The following CDH13 variants were observed in gnomAD, a reference collection of about 807,000 sequenced individuals.
CDH13 encodes cadherin 13.
In CDH13, 24 loss-of-function variants were observed where a neutral mutation model predicts 63.8. The observed-to-expected ratio is 0.38, with a 90% CI of 0.27 to 0.53. The LOEUF (loss-of-function observed/expected upper bound fraction) is 0.53. Among genes scored for constraint, CDH13 ranks in the 20% least tolerant of loss-of-function variants. CDH13 has a pLI of 0.85. For missense variants in CDH13, 1,049 were observed against 903.1 expected, an observed-to-expected ratio of 1.16 and a Z score of -2.07; for synonymous variants, 503 against 355.3, an observed-to-expected ratio of 1.42 and a Z score of -4.67.
intron 2 of CDH13, among the ~76,000 whole-genome samples, chr16:82,912,961 T>C (rs200062098): frequency 2.2e-5 from 3 of 138,502 alleles, no homozygotes; most frequent in Admixed American, 7.1e-5. Flanking sequence ...AAAAAAAGAG[T>C]GGTGCTTCAA....
rs139000175 is a variant in CDH13 at position 83,114,117 on chromosome 16, C to G, written c.367-11268C>G. On this transcript the variant is annotated intron_variant, in intron 3 of 13. Transcript: ENST00000567109. ...AGTTTATTTTCTACCCGAAGCATAT[C>G]TACTAATAGAAATGACTGAGATATT... Among the ~76,000 whole-genome samples, 245 of 152,314 alleles carry G rather than the reference C, an allele frequency of 1.6e-3. 1 individual carries two copies. The highest frequency in any genetic ancestry group is 5.5e-3 in the African/African-American group (229 of 41,564).
chr16:82,793,788 A>AGATTAGAAG (rs1185063157), intron 1 of CDH13, among the ~76,000 whole-genome samples: 5 of 152,168 alleles, frequency 3.3e-5, no homozygotes, highest in African/African-American at 9.7e-5. Context: ...AGAGGAAAAC[A>AGATTAGAAG]GATTAGAAGG....
At chr16:83,195,328 G>A (rs2038847879) in intron 4 of CDH13, among the ~76,000 whole-genome samples, 1 of 152,162 alleles carries the variant, frequency 6.6e-6, no homozygotes, top group Admixed American at 6.5e-5. Context: ...AAATACCTGA[G>A]ATGAGGTAAT....
At chr16:82,792,330 TA>T (rs2036351489) in intron 1 of CDH13, among the ~76,000 whole-genome samples, 1 of 152,104 alleles carries the variant, frequency 6.6e-6, no homozygotes, top group Admixed American at 6.5e-5. Context: ...AAATACAAGG[TA>T]AAAAACACAC....
At chr16:83,624,769 G>A (rs754692494) in intron 8 of CDH13, among the ~76,000 whole-genome samples, 1 of 152,172 alleles carries the variant, frequency 6.6e-6, no homozygotes, top group Non-Finnish European at 1.5e-5. Context: ...GTGGTTGACT[G>A]CACCAACGTG....
At chr16:83,636,872 C>T (rs886886631) in intron 8 of CDH13, among the ~76,000 whole-genome samples, 5 of 152,188 alleles carry the variant, frequency 3.3e-5, no homozygotes, top group Non-Finnish European at 7.4e-5. Flanking sequence ...TCTACATTCC[C>T]ACCAGCAGCA....
intron 4 of CDH13, among the ~76,000 whole-genome samples, chr16:83,126,764 T>C (rs1432744797): frequency 2.6e-5 from 4 of 152,222 alleles, no homozygotes; most frequent in African/African-American, 9.6e-5. Context: ...TTAATGGCAG[T>C]TGCTGTTGAA....
At chr16:82,816,984 G>T (rs1597688433) in intron 1 of CDH13, among the ~76,000 whole-genome samples, 1 of 151,986 alleles carries the variant, frequency 6.6e-6, no homozygotes, top group African/African-American at 2.4e-5. Context: ...TTTTTACAGG[G>T]TCTCCCTTAG....
At chr16:83,454,622 G>T (rs2072972728) in intron 6 of CDH13, among the ~76,000 whole-genome samples, 2 of 152,084 alleles carry the variant, frequency 1.3e-5, no homozygotes, top group South Asian at 4.1e-4. Flanking sequence ...TTTTCCTATG[G>T]TTAAACATCT....
At chr16:82,816,174 G>T (rs1202362145) in intron 1 of CDH13, among the ~76,000 whole-genome samples, 2 of 152,084 alleles carry the variant, frequency 1.3e-5, no homozygotes, top group Admixed American at 1.3e-4. Flanking sequence ...GTACATACAA[G>T]GAGCCCCTCC....
intron 2 of CDH13, among the ~76,000 whole-genome samples, chr16:82,891,037 GT>G (rs869162441): frequency 1.6e-3 from 129 of 82,818 alleles, no homozygotes; most frequent in Middle Eastern, 6.0e-3. Flanking sequence ...ATAGAGGAGG[GT>G]TTTTTTTTTT....
intron 2 of CDH13, among the ~76,000 whole-genome samples, chr16:82,891,880 C>G (rs1287720583): frequency 6.6e-6 from 1 of 152,146 alleles, no homozygotes; most frequent in Non-Finnish European, 1.5e-5. Context: ...TCCCTATAAC[C>G]TTGGATACTG....
chr16:83,181,108 A>G lies in CDH13; in HGVS notation c.484-36237A>G, dbSNP rs979176921. ...CTGTTGACTGAATTTTGATCACATT[A>G]TTGGGTATTTGGGATAGAAATGTGT... On this transcript the variant is annotated intron_variant, in intron 4 of 13. Transcript: ENST00000567109. 3.6e-6 allele frequency: 4 copies of G among 1,112,458 alleles called. No individual in the cohort carries two copies. In the African/African-American group the frequency reaches 6.3e-5, roughly 18 times the overall value. The allele number at this position is 1,112,458 out of a possible 1,614,324, so 68.9% of individuals were successfully genotyped here.
At chr16:83,467,023 G>T (rs1378268927) in intron 6 of CDH13, among the ~76,000 whole-genome samples, 1 of 152,020 alleles carries the variant, frequency 6.6e-6, no homozygotes, top group Non-Finnish European at 1.5e-5. Context: ...GAACCAGCTG[G>T]ATCCAGGACT....
intron 5 of CDH13, among the ~76,000 whole-genome samples, chr16:83,299,909 A>T (rs957317444): frequency 6.6e-6 from 1 of 152,192 alleles, no homozygotes; most frequent in African/African-American, 2.4e-5. Flanking sequence ...CACGATGCTG[A>T]CCAGGGCTAC....
chr16:83,159,059 A>G (rs1444985823), intron 4 of CDH13, among the ~76,000 whole-genome samples: 1 of 151,618 alleles, frequency 6.6e-6, no homozygotes, highest in Admixed American at 6.6e-5. Context: ...CTTCAACTTC[A>G]CGTTTCCATT....
At chr16:83,366,888 A>C (rs921041086) in intron 6 of CDH13, among the ~76,000 whole-genome samples, 1 of 152,164 alleles carries the variant, frequency 6.6e-6, no homozygotes, top group Non-Finnish European at 1.5e-5. Context: ...TGCTGTTCTC[A>C]TTCAGCCAAC....
chr16:83,210,844 T>TA (rs768159566), intron 4 of CDH13, among the ~76,000 whole-genome samples: 5,093 of 141,946 alleles, frequency 0.036, 273 homozygotes, highest in African/African-American at 0.12. Context: ...GATTTTGGAT[T>TA]AAAAAAAAAA....
chr16:83,684,907 GTCT>G (rs1904289764), intron 10 of CDH13, among the ~76,000 whole-genome samples: 1 of 152,062 alleles, frequency 6.6e-6, no homozygotes. Flanking sequence ...CATAAAGTAG[GTCT>G]AGAGCAGGCA....
Sources: gnomAD v4.1 joint callset for allele counts (sites outside exome capture counted in the v4.1 genomes callset) on GRCh38, gnomAD v4.1.1 for gene constraint, MANE v1.5 for transcripts, NCBI Gene and HGNC (gene_info 2026-07-23, HGNC 2026-07-21) for gene names.